The following EFHD1 variants were observed in gnomAD, a reference collection of about 807,000 sequenced individuals.
EFHD1 encodes the protein EF-hand domain family member D1.
In EFHD1, 10 loss-of-function variants were observed where a neutral mutation model predicts 17.2. The observed-to-expected ratio is 0.58, with a 90% CI of 0.36 to 0.99. EFHD1 has a LOEUF of 0.99. EFHD1 is among the 50% of genes least tolerant of loss of function. The probability of loss-of-function intolerance (pLI) is 0.01; values close to 1 mark genes in which losing one functional copy is unlikely to be tolerated. For missense variants in EFHD1, 310 were observed against 327.5 expected, an observed-to-expected ratio of 0.95 and a Z score of 0.41; for synonymous variants, 153 against 142.0, an observed-to-expected ratio of 1.08 and a Z score of -0.55.
At chr2:232,647,407 T>C (rs1343720763) in intron 1 of EFHD1, among the ~76,000 whole-genome samples, 1 of 152,246 alleles carries the variant, frequency 6.6e-6, no homozygotes, top group African/African-American at 2.4e-5. Context: ...CTGTGCCCCC[T>C]GGGCCACTGC....
rs758736210 is a variant in EFHD1 at position 232,662,902 on chromosome 2, A to G, written c.403A>G (p.Ile135Val). The change falls in exon 2 of 4, where the codon ATC becomes GTC. Residue 135 changes from isoleucine (I) to valine (V), a missense_variant. By Grantham distance (29) the Ile-to-Val change is conservative. Coordinates refer to ENST00000264059, the MANE Select transcript of EFHD1 (RefSeq NM_025202.4). Reference protein sequence around the residue: ...PQTHLGLKSMIKEVDEDFDGK... With the variant: ...PQTHLGLKSMVKEVDEDFDGK... ...GACCCACCTGGGCCTGAAGAGCATG[A>G]TCAAGGAGGTGGATGAGGACTTCGA... 6.5e-5 allele frequency: 103 copies of G among 1,595,786 alleles called. 1 individual carries two copies. Among genetic ancestry groups the G allele is most frequent in the Admixed American group, 1.8e-4 (10 of 56,096 alleles).
intron 1 of EFHD1, among the ~76,000 whole-genome samples, chr2:232,658,448 TTCTG>T (rs1343060003): frequency 6.6e-6 from 1 of 152,208 alleles, no homozygotes; most frequent in Non-Finnish European, 1.5e-5. Flanking sequence ...AGCTGTGGTT[TTCTG>T]TTAGATCAAC....
chr2:232,654,915 C>T (rs552213591), intron 1 of EFHD1, among the ~76,000 whole-genome samples: 1 of 152,290 alleles, frequency 6.6e-6, no homozygotes, highest in Admixed American at 6.5e-5. Flanking sequence ...CTTTACTTAT[C>T]CTCCCATCTG....
At chr2:232,660,520 G>A (rs1694845173) in intron 1 of EFHD1, among the ~76,000 whole-genome samples, 1 of 151,818 alleles carries the variant, frequency 6.6e-6, no homozygotes, top group South Asian at 2.1e-4. Context: ...TTTAAGAGAT[G>A]GGGTCTCACT....
In EFHD1 at chr2:232,682,750, A is replaced by T. The variant is rs1695314902; in HGVS notation, c.*1031A>T. 6.6e-6 allele frequency: 1 copy of T among 152,226 alleles called. No homozygotes were observed. The highest frequency in any genetic ancestry group is 6.5e-5 in the Admixed American group (1 of 15,274). The allele number at this position is 152,226 out of a possible 1,614,324, so 9.4% of individuals were successfully genotyped here. On this transcript the variant is annotated 3_prime_UTR_variant, in exon 4 of 4. Transcript: ENST00000264059. ...ATTCTCTTTTGTAACTGCTGTCTTT[A>T]CAATAAAGAAATCATCTGCCTTTCT...
intron 1 of EFHD1, among the ~76,000 whole-genome samples, chr2:232,613,662 A>G: frequency 1.6e-5 from 1 of 63,102 alleles, no homozygotes; most frequent in Non-Finnish European, 2.9e-5. Flanking sequence ...ACACACAAAT[A>G]CACACACACA....
intron 2 of EFHD1, among the ~76,000 whole-genome samples, chr2:232,670,494 C>T (rs927584901): frequency 6.6e-6 from 1 of 151,892 alleles, no homozygotes. Context: ...CTTTGGAAGC[C>T]TGAAGATTAA....
upstream of EFHD1, among the ~76,000 whole-genome samples, chr2:232,630,294 G>A (rs1262201213): frequency 4.6e-5 from 7 of 152,160 alleles, no homozygotes; most frequent in Admixed American, 3.3e-4. Context: ...ACTGGACATC[G>A]GAAAAGAGGA....
intron 1 of EFHD1, among the ~76,000 whole-genome samples, chr2:232,617,992 G>A (rs1252448010): frequency 6.6e-6 from 1 of 151,170 alleles, no homozygotes; most frequent in African/African-American, 2.4e-5. Context: ...TAACTCAACA[G>A]TAAAAAGATA....
At chr2:232,666,543 C>T (rs562249184) in intron 2 of EFHD1, among the ~76,000 whole-genome samples, 14 of 152,330 alleles carry the variant, frequency 9.2e-5, no homozygotes, top group African/African-American at 3.1e-4. Context: ...CCCTGTTGTA[C>T]TCAGCGGCCA....
chr2:232,668,935 G>A lies in EFHD1; in HGVS notation c.451-3374G>A, dbSNP rs1392433273. ...AGGTGTGAGCCACCACGCCCAGCCA[G>A]TGCTCCCATCTTTTCACAGCTGCCT... On this transcript the variant is annotated intron_variant, in intron 2 of 3. Coordinates refer to ENST00000264059, the MANE Select transcript of EFHD1 (RefSeq NM_025202.4). Among the ~76,000 whole-genome samples the A allele has an allele frequency of 3.3e-5, 5 of 152,080 alleles. No homozygotes were observed. In the East Asian group the frequency reaches 9.7e-4, roughly 29 times the overall value.
chr2:232,647,939 C>T lies in EFHD1; in HGVS notation c.302+13933C>T, dbSNP rs920090535. Among the ~76,000 whole-genome samples, 3 of 152,144 alleles carry T rather than the reference C, an allele frequency of 2.0e-5. No homozygotes were observed. In the East Asian group the frequency reaches 5.8e-4, roughly 29 times the overall value. ...GGCATGAGCCACTGCACCCGGCCTC[C>T]TTTCAGAACTTTTATGCAGACCTGG... On this transcript the variant is annotated intron_variant, in intron 1 of 3. Coordinates refer to ENST00000264059, the MANE Select transcript of EFHD1 (RefSeq NM_025202.4).
chr2:232,627,173 G>C (rs1477307576), intron 1 of EFHD1, among the ~76,000 whole-genome samples: 1 of 148,790 alleles, frequency 6.7e-6, no homozygotes, highest in Non-Finnish European at 1.5e-5. Flanking sequence ...TGAGGCTGCA[G>C]TGAGCTATGA....
At chr2:232,630,297 A>G (rs1694180238), upstream of EFHD1, among the ~76,000 whole-genome samples, 1 of 152,202 alleles carries the variant, frequency 6.6e-6, no homozygotes, top group African/African-American at 2.4e-5. Context: ...GGACATCGGA[A>G]AAGAGGAGAA....
chr2:232,619,312 C>T lies in EFHD1; in HGVS notation c.14+13139C>T, dbSNP rs113592820. On this transcript the variant is annotated intron_variant, in intron 1 of 3. Transcript: ENST00000409613. ...TAAAGGGTGATTTCTTTCTTTCTTT[C>T]TTTTTTTTTTTTTTTGAGATGAAGT... Among the ~76,000 whole-genome samples, 115 of 38,102 alleles carry T rather than the reference C, an allele frequency of 3.0e-3. 4 individuals are homozygous for T. The highest frequency in any genetic ancestry group is 0.02 in the Middle Eastern group (1 of 50). 25.0% of individuals were successfully genotyped at this position (38,102 alleles called of 152,430 possible). A position where few individuals can be genotyped will look rare whatever the true frequency, so the allele number is the denominator to read the frequency against.
chr2:232,665,302 T>C (rs568741172), intron 2 of EFHD1, among the ~76,000 whole-genome samples: 46 of 152,352 alleles, frequency 3.0e-4, no homozygotes, highest in African/African-American at 9.9e-4. Flanking sequence ...GTCTCAAGAC[T>C]ATCAGGTGTC....
intron 3 of EFHD1, among the ~76,000 whole-genome samples, chr2:232,679,282 G>A (rs1412982991): frequency 3.9e-5 from 6 of 152,056 alleles, no homozygotes; most frequent in Admixed American, 6.6e-5. Context: ...TATGTATATC[G>A]TCCCAAATGC....
intron 3 of EFHD1, among the ~76,000 whole-genome samples, chr2:232,674,525 A>G (rs1419894745): frequency 6.6e-6 from 1 of 152,232 alleles, no homozygotes; most frequent in East Asian, 1.9e-4. Context: ...ATGTTTTACA[A>G]TGAGTGTGCA....
chr2:232,624,666 G>C (rs1313651857), intron 1 of EFHD1, among the ~76,000 whole-genome samples: 1 of 152,242 alleles, frequency 6.6e-6, no homozygotes, highest in African/African-American at 2.4e-5. Context: ...CACTTTAAGG[G>C]TTTCCCAAAT....
Sources: allele counts gnomAD v4.1 joint callset (sites outside exome capture counted in the v4.1 genomes callset), GRCh38; gene constraint gnomAD v4.1.1; transcripts MANE v1.5; gene names NCBI Gene and HGNC (gene_info 2026-07-23, HGNC 2026-07-21).